TMPRSS7: variants seen among roughly 807,000 people sequenced by gnomAD.
TMPRSS7 encodes the protein transmembrane serine protease 7.
Under a neutral mutation model 95.6 loss-of-function variants are expected in TMPRSS7, and 81 were observed. The observed-to-expected ratio is 0.85, with a 90% confidence interval of 0.71 to 1.02. The LOEUF (loss-of-function observed/expected upper bound fraction) is 1.02. Ranked by LOEUF, TMPRSS7 falls within the 50% of genes least tolerant of loss-of-function variation. TMPRSS7 has a pLI of 0.00. For synonymous variants in TMPRSS7, 364 were observed against 337.8 expected (o/e 1.08, Z -0.85); for missense variants, 945 against 955.2 (o/e 0.99, Z 0.14).
At chr3:112,050,026 T>C (rs1428426083) in intron 8 of TMPRSS7, 52 bp downstream of exon 8, 1 of 1,480,366 alleles carries the variant, frequency 6.8e-7, no homozygotes, top group Admixed American at 2.1e-5. Context: ...TTTGTAATGA[T>C]AGGCTATTCT....
At chr3:112,034,915 T>G (rs1224814036) in intron 1 of TMPRSS7, 22 bp downstream of exon 1, 1 of 702,844 alleles carries the variant, frequency 1.4e-6, no homozygotes, top group East Asian at 2.7e-5. Flanking sequence ...GTGAGAAACT[T>G]TCTCTTACTT....
intron 4 of TMPRSS7, among the ~76,000 whole-genome samples, chr3:112,045,270 C>T (rs2073263621): frequency 6.6e-6 from 1 of 152,174 alleles, no homozygotes; most frequent in South Asian, 2.1e-4. Context: ...GCCTCAGCCT[C>T]CCAAGTAGCT....
intron 10 of TMPRSS7, among the ~76,000 whole-genome samples, chr3:112,060,750 A>G (rs2073492788): frequency 6.6e-6 from 1 of 151,880 alleles, no homozygotes; most frequent in Non-Finnish European, 1.5e-5. Flanking sequence ...CTGAGGTGAC[A>G]TACATCCTCC....
chr3:112,066,771 TCTC>T (rs1438419926), intron 13 of TMPRSS7, among the ~76,000 whole-genome samples: 1 of 151,176 alleles, frequency 6.6e-6, no homozygotes, highest in Non-Finnish European at 1.5e-5. Flanking sequence ...ACTGGCAGAT[TCTC>T]CTTTTTTTTT....
chr3:112,075,266 T>C, intron 14 of TMPRSS7, 55 bp from the exon 15 acceptor site: 1 of 1,361,012 alleles, frequency 7.3e-7, no homozygotes, highest in Non-Finnish European at 9.6e-7. Flanking sequence ...CTGGCTTAAC[T>C]TCTAGTTTTT....
At chr3:112,075,281 C>T in intron 14 of TMPRSS7, 40 bp from the exon 15 acceptor site, 1 of 1,362,074 alleles carries the variant, frequency 7.3e-7, no homozygotes. Flanking sequence ...GTTTTTCTTC[C>T]AAGTCTACCT....
At chr3:112,043,052 T>C in intron 3 of TMPRSS7, 1 of 456,056 alleles carries the variant, frequency 2.2e-6, no homozygotes, top group Non-Finnish European at 4.4e-6. Flanking sequence ...ATTGAATGCC[T>C]GCTATATACT....
chr3:112,048,163 T>C (rs755603480), intron 7 of TMPRSS7, among the ~76,000 whole-genome samples, 196 bp downstream of exon 7: 3 of 152,148 alleles, frequency 2.0e-5, no homozygotes, highest in African/African-American at 4.8e-5. Flanking sequence ...TCAATGTTTG[T>C]TTTCCACTTA....
chr3:112,066,944 A>T (rs1385918293), intron 13 of TMPRSS7, among the ~76,000 whole-genome samples: 1 of 152,034 alleles, frequency 6.6e-6, no homozygotes, highest in Non-Finnish European at 1.5e-5. Context: ...CTCGTCATTT[A>T]CATTAGGTAT....
chr3:112,081,057 T>G, exon 18 of TMPRSS7: 1 of 1,609,370 alleles, frequency 6.2e-7, no homozygotes, highest in South Asian at 1.1e-5. Flanking sequence ...TTCCCTGGAT[T>G]CATAAATATG....
intron 9 of TMPRSS7, among the ~76,000 whole-genome samples, chr3:112,052,855 G>C (rs1408228854): frequency 6.6e-6 from 1 of 151,960 alleles, no homozygotes; most frequent in Non-Finnish European, 1.5e-5. Context: ...GGGACTTTTA[G>C]TCAGGGTGTG....
chr3:112,046,024 T>G, intron 5 of TMPRSS7, 81 bp downstream of exon 5: 1 of 1,240,748 alleles, frequency 8.1e-7, no homozygotes, highest in East Asian at 2.6e-5. Context: ...AACATTGTAA[T>G]GAAGCATTAC....
intron 13 of TMPRSS7, among the ~76,000 whole-genome samples, chr3:112,068,594 T>C (rs1178332304): frequency 1.3e-5 from 2 of 152,238 alleles, no homozygotes; most frequent in African/African-American, 4.8e-5. Flanking sequence ...CAATTGTGAA[T>C]GGGAGTTCTC....
At chr3:112,057,581 C>A (rs961740717) in intron 10 of TMPRSS7, among the ~76,000 whole-genome samples, 4 of 152,146 alleles carry the variant, frequency 2.6e-5, no homozygotes, top group Admixed American at 6.5e-5. Flanking sequence ...AGGGCTAGAA[C>A]CAATCTACTT....
chr3:112,075,431 G>C (rs746847393), exon 15 of TMPRSS7: 2 of 1,550,866 alleles, frequency 1.3e-6, no homozygotes, highest in Admixed American at 1.9e-5. Flanking sequence ...TGCCTACTGT[G>C]GTGCCTCAGT....
chr3:112,049,777 T>C, intron 7 of TMPRSS7, 67 bp from the exon 8 acceptor site: 5 of 1,349,764 alleles, frequency 3.7e-6, no homozygotes, highest in Non-Finnish European at 5.0e-6. Flanking sequence ...TGGAATCGTT[T>C]TGAATGGAGA....
intron 10 of TMPRSS7, among the ~76,000 whole-genome samples, chr3:112,058,661 GA>G (rs2073462284): frequency 6.6e-6 from 1 of 152,156 alleles, no homozygotes; most frequent in Non-Finnish European, 1.5e-5. Flanking sequence ...GATTTGTAAA[GA>G]AAACAAATCT....
intron 13 of TMPRSS7, among the ~76,000 whole-genome samples, chr3:112,072,764 G>C (rs2073666504): frequency 6.6e-6 from 1 of 152,252 alleles, no homozygotes; most frequent in African/African-American, 2.4e-5. Context: ...TGTGGACGTG[G>C]GACCTGCCAA....
At chr3:112,048,266 T>A (rs2073304524) in intron 7 of TMPRSS7, among the ~76,000 whole-genome samples, 1 of 152,224 alleles carries the variant, frequency 6.6e-6, no homozygotes, top group Non-Finnish European at 1.5e-5. Flanking sequence ...TTTATTGGAA[T>A]AAAAATGAAG....
Sources: allele counts gnomAD v4.1 joint callset (sites outside exome capture counted in the v4.1 genomes callset), GRCh38; gene constraint gnomAD v4.1.1; transcripts MANE v1.5; gene names NCBI Gene and HGNC (gene_info 2026-07-23, HGNC 2026-07-21).